CDH13: variants seen among roughly 807,000 people sequenced by gnomAD.
CDH13 encodes cadherin-13.
Under a neutral mutation model 63.8 loss-of-function variants are expected in CDH13, and 24 were observed. The ratio of observed to expected loss-of-function variants is 0.38; its 90% confidence interval spans 0.27 to 0.53. The LOEUF is 0.53. Among genes scored for constraint, CDH13 ranks in the 20% least tolerant of loss-of-function variants. CDH13 has a pLI of 0.85. For missense variants in CDH13, 1,049 were observed against 903.1 expected (o/e 1.16, Z -2.07); for synonymous variants, 503 against 355.3 (o/e 1.42, Z -4.67).
chr16:83,757,564 C>T (rs544078220), intron 11 of CDH13, among the ~76,000 whole-genome samples: 21 of 152,054 alleles, frequency 1.4e-4, no homozygotes, highest in Admixed American at 5.9e-4. Flanking sequence ...GGTGACAGAG[C>T]GAGACTCTGT....
At chr16:83,102,693 A>T (rs1470763990) in intron 3 of CDH13, among the ~76,000 whole-genome samples, 2 of 152,022 alleles carry the variant, frequency 1.3e-5, no homozygotes, top group Non-Finnish European at 2.9e-5. Context: ...TAGTCAGGAG[A>T]TGTGGAGCAG....
chr16:83,530,797 C>T (rs543095769), intron 7 of CDH13, among the ~76,000 whole-genome samples: 6 of 152,264 alleles, frequency 3.9e-5, no homozygotes, highest in African/African-American at 1.4e-4. Context: ...CTCAGATTGC[C>T]ACCTCTATGT....
chr16:83,007,802 C>G (rs941674540), intron 2 of CDH13, among the ~76,000 whole-genome samples: 14 of 144,172 alleles, frequency 9.7e-5, no homozygotes, highest in African/African-American at 3.7e-4. Flanking sequence ...CTAGTCTGGG[C>G]AACAGAGCAA....
intron 2 of CDH13, among the ~76,000 whole-genome samples, chr16:82,861,579 C>T (rs1164253355): frequency 6.6e-6 from 1 of 152,150 alleles, no homozygotes; most frequent in Non-Finnish European, 1.5e-5. Context: ...TCATCTTCCT[C>T]CTCAATTTTC....
Position 83,471,786 on chromosome 16 carries a change from C to G in CDH13, c.782-14691C>G, listed in dbSNP as rs113765610. On this transcript the variant is annotated intron_variant, in intron 6 of 13. Coordinates refer to ENST00000567109, the MANE Select transcript of CDH13 (RefSeq NM_001257.5). ...AAATACCCAGCTTCTTAGCCAGGCTCTCAGCAACTTGCAAGGAAGAGTCAT... is the reference window on the plus strand; with the variant it reads ...AAATACCCAGCTTCTTAGCCAGGCTGTCAGCAACTTGCAAGGAAGAGTCAT... Among the ~76,000 whole-genome samples the G allele has an allele frequency of 9.6e-3, 1,465 of 152,266 alleles. 12 individuals carry two copies. Among genetic ancestry groups the G allele is most frequent in the Middle Eastern group, 0.014 (4 of 294 alleles).
chr16:83,299,364 T>A (rs1456544609), intron 5 of CDH13, among the ~76,000 whole-genome samples: 1 of 152,132 alleles, frequency 6.6e-6, no homozygotes, highest in African/African-American at 2.4e-5. Flanking sequence ...CTACCTTACC[T>A]TAAACTTTCT....
chr16:83,289,946 G>C (rs2089424127), intron 5 of CDH13, among the ~76,000 whole-genome samples: 1 of 152,160 alleles, frequency 6.6e-6, no homozygotes, highest in Non-Finnish European at 1.5e-5. Flanking sequence ...TTAAGAAGCA[G>C]AACAAGACTC....
At chr16:83,650,178 A>G (rs900629662) in intron 8 of CDH13, among the ~76,000 whole-genome samples, 2 of 152,182 alleles carry the variant, frequency 1.3e-5, no homozygotes, top group Non-Finnish European at 2.9e-5. Context: ...CACAGGTATA[A>G]AATGTATTTA....
chr16:83,673,194 A>G (rs1914666241), intron 9 of CDH13, among the ~76,000 whole-genome samples: 1 of 152,232 alleles, frequency 6.6e-6, no homozygotes. Context: ...TGTCAAGTAC[A>G]CAATAAAACC....
chr16:83,235,798 T>A (rs186755096), intron 5 of CDH13, among the ~76,000 whole-genome samples: 5 of 152,286 alleles, frequency 3.3e-5, no homozygotes, highest in African/African-American at 1.2e-4. Context: ...TGTTAATACA[T>A]AGACTGAGGA....
At chr16:83,250,704 G>A (rs1377338927) in intron 5 of CDH13, among the ~76,000 whole-genome samples, 1 of 152,190 alleles carries the variant, frequency 6.6e-6, no homozygotes, top group Non-Finnish European at 1.5e-5. Flanking sequence ...CAAGAGGAAA[G>A]CAGGACCCAG....
chr16:83,703,367 A>T (rs1906532913), intron 10 of CDH13, among the ~76,000 whole-genome samples: 1 of 152,252 alleles, frequency 6.6e-6, no homozygotes, highest in African/African-American at 2.4e-5. Context: ...GGTAGCAAAA[A>T]GTTAGAAAAC....
At chr16:82,842,554 A>G (rs2039079686) in intron 1 of CDH13, among the ~76,000 whole-genome samples, 1 of 151,878 alleles carries the variant, frequency 6.6e-6, no homozygotes, top group African/African-American at 2.4e-5. Flanking sequence ...GTTAATTCTA[A>G]TCTCTATTTT....
At chr16:83,300,585 C>G (rs1174127677) in intron 5 of CDH13, among the ~76,000 whole-genome samples, 1 of 152,188 alleles carries the variant, frequency 6.6e-6, no homozygotes, top group African/African-American at 2.4e-5. Context: ...TGGCACCATG[C>G]CAGGCAGGGT....
At chr16:82,778,099 G>C (rs1014243965) in intron 1 of CDH13, among the ~76,000 whole-genome samples, 2 of 152,178 alleles carry the variant, frequency 1.3e-5, no homozygotes, top group Non-Finnish European at 2.9e-5. Flanking sequence ...TGCATATGAG[G>C]AGGCAGGGTT....
chr16:83,331,460 A>G (rs1273325014), intron 5 of CDH13, among the ~76,000 whole-genome samples: 2 of 152,192 alleles, frequency 1.3e-5, no homozygotes, highest in Non-Finnish European at 2.9e-5. Flanking sequence ...GGGATGTTGC[A>G]TGTCTTAGAG....
At chr16:82,912,280 G>T (rs1037568954) in intron 2 of CDH13, among the ~76,000 whole-genome samples, 1 of 151,640 alleles carries the variant, frequency 6.6e-6, no homozygotes, top group Non-Finnish European at 1.5e-5. Flanking sequence ...GAGTGAGCAC[G>T]AATGGACTCT....
intron 3 of CDH13, among the ~76,000 whole-genome samples, chr16:83,071,217 C>T (rs969613066): frequency 6.6e-6 from 1 of 152,162 alleles, no homozygotes; most frequent in Non-Finnish European, 1.5e-5. Flanking sequence ...GCCTCTACAA[C>T]ACAGCAATTG....
chr16:83,331,711 A>T (rs536253778), intron 5 of CDH13, among the ~76,000 whole-genome samples: 2 of 152,178 alleles, frequency 1.3e-5, no homozygotes, highest in Non-Finnish European at 2.9e-5. Context: ...TAAAAATTGC[A>T]TTATGTATAC....
Sources: allele counts gnomAD v4.1 joint callset (sites outside exome capture counted in the v4.1 genomes callset), GRCh38; gene constraint gnomAD v4.1.1; transcripts MANE v1.5; gene names NCBI Gene and HGNC (gene_info 2026-07-23, HGNC 2026-07-21).